The following MSR1 variants were observed in gnomAD, a reference collection of about 807,000 sequenced individuals.
MSR1 encodes macrophage scavenger receptor types I and II.
In MSR1, 53 loss-of-function variants were observed where a neutral mutation model predicts 47.2. The observed-to-expected ratio is 1.12, with a 90% CI of 0.90 to 1.41. The LOEUF is 1.41. Ranked by LOEUF, MSR1 falls within the 40% of genes most tolerant of loss-of-function variation. The probability of loss-of-function intolerance (pLI) is 0.00; values close to 1 mark genes in which losing one functional copy is unlikely to be tolerated. For missense variants in MSR1, 786 were observed against 546.9 expected (o/e 1.44, Z -4.36); for synonymous variants, 239 against 185.6 (o/e 1.29, Z -2.34).
At chr8:16,177,761 G>A (rs538529498) in intron 2 of MSR1, 125 bp downstream of exon 2, 243 of 746,348 alleles carry the variant, frequency 3.3e-4, no homozygotes, top group Non-Finnish European at 5.1e-4. Flanking sequence ...GAATACCCCT[G>A]TTGGTCAAAT....
intron 8 of MSR1, chr8:16,120,940 T>C (rs1585136516): frequency 2.9e-6 from 1 of 346,706 alleles, no homozygotes; most frequent in Non-Finnish European, 5.4e-6. Flanking sequence ...TTTCATACCA[T>C]TGAAAAATTA....
chr8:16,141,436 G>A (rs926874916), intron 8 of MSR1, among the ~76,000 whole-genome samples: 2 of 152,174 alleles, frequency 1.3e-5, no homozygotes, highest in African/African-American at 4.8e-5. Flanking sequence ...TGATTATGGT[G>A]TAGCTGAATA....
intron 1 of MSR1, among the ~76,000 whole-genome samples, chr8:16,184,433 G>A (rs1370976590): frequency 6.6e-6 from 1 of 152,236 alleles, no homozygotes; most frequent in South Asian, 2.1e-4. Flanking sequence ...TAAACAAACA[G>A]ACTATAATAA....
Position 16,120,564 on chromosome 8 carries a change from T to C in MSR1, c.1076A>G (p.His359Arg). 6.3e-7 allele frequency: 1 copy of C among 1,595,294 alleles called. No individual in the cohort carries two copies. The highest frequency in any genetic ancestry group is 8.5e-7 in the Non-Finnish European group (1 of 1,177,172). The change falls in exon 9 of 10, where the codon CAC becomes CGC. Residue 359 changes from histidine to arginine, a missense_variant. Physicochemically the swap from His to Arg is conservative, Grantham distance 29. Transcript: ENST00000262101. ...GTGGAGTATCTCCACCCTCCCCTCG[T>C]GAGGGCCGCTCCCACCGACCAGTCG... Reference protein sequence around the residue: ...KVRLVGGSGPHEGRVEILHSG... With the variant: ...KVRLVGGSGPREGRVEILHSG...
intron 8 of MSR1, chr8:16,140,219 T>G: frequency 1.0e-6 from 1 of 984,888 alleles, no homozygotes; most frequent in African/African-American, 1.7e-5. Flanking sequence ...AATTGTGTTC[T>G]AGACTCTAGG....
intron 4 of MSR1, 33 bp from the exon 5 acceptor site, chr8:16,164,284 G>C (rs1350595910): frequency 1.9e-6 from 3 of 1,562,850 alleles, no homozygotes; most frequent in Middle Eastern, 1.7e-4. Flanking sequence ...CACAGCCTTT[G>C]TTACATACAT....
In MSR1 at chr8:16,161,778, T is replaced by C. The variant is rs12114580; in HGVS notation, c.817+2287A>G. Among the ~76,000 whole-genome samples the C allele has an allele frequency of 9.6e-3, 1,457 of 152,160 alleles. 27 individuals carry two copies. The highest frequency in any genetic ancestry group is 0.034 in the African/African-American group (1,396 of 41,550). On this transcript the variant is annotated intron_variant, in intron 5 of 9. Transcript: ENST00000262101. ...TGTCTATATATAGTTTTCTGGGACT[T>C]GTTTTTATTCTTTTTTTCATTGTCA...
At chr8:16,140,466 G>A (rs1800525202) in intron 8 of MSR1, 1 of 987,882 alleles carries the variant, frequency 1.0e-6, no homozygotes, top group African/African-American at 1.7e-5. Flanking sequence ...CACCCTAGTT[G>A]TAGTCTCATT....
intron 6 of MSR1, among the ~76,000 whole-genome samples, chr8:16,151,139 T>C (rs2117134536): frequency 6.6e-6 from 1 of 152,218 alleles, no homozygotes; most frequent in Middle Eastern, 3.4e-3. Context: ...CAGAGAGAAC[T>C]CGTTCACCCA....
intron 8 of MSR1, among the ~76,000 whole-genome samples, chr8:16,131,593 T>C (rs1800261711): frequency 6.6e-6 from 1 of 151,976 alleles, no homozygotes; most frequent in Admixed American, 6.6e-5. Context: ...TAGGTTATCT[T>C]TCAGAGTTTT....
chr8:16,140,030 A>G (rs1800510542), intron 8 of MSR1: 1 of 768,396 alleles, frequency 1.3e-6, no homozygotes, highest in Non-Finnish European at 1.6e-6. Flanking sequence ...AGAGACAATT[A>G]TCTCTTATTA....
In MSR1 at chr8:16,164,027, T is replaced by C. The variant is rs770735536; in HGVS notation, c.817+38A>G. The C allele has an allele frequency of 7.5e-6, 11 of 1,468,912 alleles. No individual in the cohort carries two copies. The Admixed American group carries it at 1.2e-4, about 16-fold the overall frequency. 91.0% of individuals were successfully genotyped at this position (1,468,912 alleles called of 1,614,324 possible). A position where few individuals can be genotyped will look rare whatever the true frequency, so the allele number is the denominator to read the frequency against. ...CTGCATGTATCAGTATATTTTAATA[T>C]ATATATCATTTTCTGGAGAAATGAC... On this transcript the variant is annotated intron_variant, in intron 5 of 9. Transcript: ENST00000262101.
intron 8 of MSR1, among the ~76,000 whole-genome samples, chr8:16,122,165 TA>T (rs1337714402): frequency 6.6e-6 from 1 of 152,118 alleles, no homozygotes; most frequent in Non-Finnish European, 1.5e-5. Context: ...CTTCTTCACT[TA>T]ATAAGCATAA....
intron 2 of MSR1, 93 bp from the exon 3 acceptor site, chr8:16,175,393 C>G: frequency 9.8e-7 from 1 of 1,024,610 alleles, no homozygotes; most frequent in South Asian, 1.4e-5. Flanking sequence ...TTCTTACTAC[C>G]AAGCCTATTG....
chr8:16,112,763 C>T (rs1462162088), intron 9 of MSR1, among the ~76,000 whole-genome samples: 2 of 151,618 alleles, frequency 1.3e-5, no homozygotes, highest in Admixed American at 1.3e-4. Context: ...TCTTTCTATT[C>T]GGTGGAAAGC....
At chr8:16,175,056 A>C in intron 3 of MSR1, 131 bp downstream of exon 3, 1 of 731,924 alleles carries the variant, frequency 1.4e-6, no homozygotes, top group Admixed American at 2.4e-5. Flanking sequence ...ACAAATTTGA[A>C]GGACACTTTG....
At chr8:16,127,244 G>A (rs78026117) in intron 8 of MSR1, among the ~76,000 whole-genome samples, 5,716 of 152,092 alleles carry the variant, frequency 0.038, 191 homozygotes, top group East Asian at 0.12. Flanking sequence ...AAAGCCTCAC[G>A]AGTCATTCTG....
At chr8:16,156,941 G>A (rs749338574) in intron 5 of MSR1, among the ~76,000 whole-genome samples, 7 of 151,956 alleles carry the variant, frequency 4.6e-5, no homozygotes, top group East Asian at 1.9e-4. Flanking sequence ...AACCATGAAC[G>A]CAGCTGCATC....
chr8:16,168,070 TAA>T (rs202005370), intron 4 of MSR1, among the ~76,000 whole-genome samples: 6 of 146,866 alleles, frequency 4.1e-5, no homozygotes, highest in African/African-American at 1.5e-4. Context: ...AACTTACAAA[TAA>T]AAAAAAAAAT....
Sources: allele counts gnomAD v4.1 joint callset (sites outside exome capture counted in the v4.1 genomes callset), GRCh38; gene constraint gnomAD v4.1.1; transcripts MANE v1.5; gene names NCBI Gene and HGNC (gene_info 2026-07-23, HGNC 2026-07-21).